The following MAP7D2 variants were observed in gnomAD, a reference collection of about 807,000 sequenced individuals.
MAP7D2 encodes MAP7 domain containing 2, also known as MAP7 domain-containing protein 2.
A neutral mutation model predicts 63.5 loss-of-function variants in MAP7D2; 33 were observed. The ratio of observed to expected loss-of-function variants is 0.52; its 90% CI spans 0.39 to 0.70. MAP7D2 has a LOEUF of 0.70. Among genes scored for constraint, MAP7D2 ranks in the 30% least tolerant of loss-of-function variants. The pLI is 0.00. For synonymous variants in MAP7D2, 224 were observed against 223.7 expected, an observed-to-expected ratio of 1.00 and a Z score of -0.01; for missense variants, 626 against 604.0, an observed-to-expected ratio of 1.04 and a Z score of -0.38.
At chrX:20,017,494 G>C (rs1240568391) in intron 10 of MAP7D2, among the ~76,000 whole-genome samples, 2 of 112,221 alleles carry the variant, frequency 1.8e-5, no homozygotes, top group Non-Finnish European at 3.8e-5. Flanking sequence ...AACTTGTGCA[G>C]GCTAACAGCC....
intron 1 of MAP7D2, among the ~76,000 whole-genome samples, chrX:20,081,800 G>T (rs977950804): frequency 1.8e-5 from 2 of 110,956 alleles, no homozygotes; most frequent in African/African-American, 6.6e-5. Flanking sequence ...TTACAGGTGT[G>T]CACCACCACG....
chrX:20,089,650 GT>G (rs1235330797), intron 1 of MAP7D2, among the ~76,000 whole-genome samples: 2 of 112,265 alleles, frequency 1.8e-5, no homozygotes, highest in East Asian at 5.6e-4. Context: ...TTCCCATCAA[GT>G]TTGCAAAGCA....
rs752001233 is a variant in MAP7D2, at chrX:20,090,679, C to T, written c.131-25874G>A. On this transcript the variant is annotated intron_variant, in intron 1 of 16. Transcript: ENST00000379643. ...AAACATACATATGACCCAGCAATCCCGCCCTGAGGGATTTACCCAAGAGAA... is the reference window on the plus strand; with the variant it reads ...AAACATACATATGACCCAGCAATCCTGCCCTGAGGGATTTACCCAAGAGAA... 6.2e-5 allele frequency among the ~76,000 whole-genome samples: 7 copies of T among 112,636 alleles called. No individual in the cohort carries two copies. The South Asian group carries it at 1.8e-3, about 29-fold the overall frequency.
chrX:20,105,319 T>C (rs1191099675), intron 1 of MAP7D2, among the ~76,000 whole-genome samples: 2 of 111,698 alleles, frequency 1.8e-5, no homozygotes, highest in Non-Finnish European at 3.8e-5. Context: ...ACCACACTGG[T>C]TGAGTTGCTA....
At chrX:20,016,463 CAT>C (rs1185274385) in intron 10 of MAP7D2, 138 bp from the exon 11 acceptor site, 8 of 562,499 alleles carry the variant, frequency 1.4e-5, no homozygotes, top group Non-Finnish European at 2.3e-5. Flanking sequence ...CATTTAATAA[CAT>C]GATTCATCCT....
At chrX:20,085,657 A>G (rs1331990521) in intron 1 of MAP7D2, among the ~76,000 whole-genome samples, 1 of 112,459 alleles carries the variant, frequency 8.9e-6, no homozygotes, top group Non-Finnish European at 1.9e-5. Flanking sequence ...TGGTCACTAA[A>G]TGTAAGAAAC....
At chrX:20,110,095 T>A (rs1196036891) in intron 1 of MAP7D2, among the ~76,000 whole-genome samples, 6 of 109,704 alleles carry the variant, frequency 5.5e-5, no homozygotes, top group Non-Finnish European at 1.1e-4. Context: ...GCACAGACTT[T>A]TTTTTTTTTT....
chrX:20,057,883 C>T (rs1308951795), intron 3 of MAP7D2, among the ~76,000 whole-genome samples: 1 of 112,517 alleles, frequency 8.9e-6, no homozygotes, highest in African/African-American at 3.2e-5. Flanking sequence ...GTCACACTTA[C>T]TAGAAACATA....
intron 10 of MAP7D2, 92 bp downstream of exon 10, chrX:20,024,859 A>G: frequency 9.8e-7 from 1 of 1,025,638 alleles, no homozygotes; most frequent in East Asian, 3.1e-5. Flanking sequence ...TTCAAGTTTT[A>G]TCAATACCAA....
chrX:20,084,739 T>C (rs1569129137), intron 1 of MAP7D2, among the ~76,000 whole-genome samples: 1 of 109,921 alleles, frequency 9.1e-6, no homozygotes, highest in East Asian at 2.9e-4. Flanking sequence ...CAGCTAATTT[T>C]TGAATTTTTA....
intron 1 of MAP7D2, among the ~76,000 whole-genome samples, chrX:20,115,410 T>C (rs893051248): frequency 9.0e-6 from 1 of 110,910 alleles, no homozygotes; most frequent in Non-Finnish European, 1.9e-5. Flanking sequence ...AACCTCTCCT[T>C]TTCAGTGTTT....
chrX:20,107,880 A>T (rs1215378871), intron 1 of MAP7D2, among the ~76,000 whole-genome samples: 2 of 111,882 alleles, frequency 1.8e-5, no homozygotes, highest in Non-Finnish European at 3.8e-5. Flanking sequence ...TTCTGAAAAT[A>T]TTCAGAAACT....
rs970252877 is a variant in MAP7D2 at position 20,051,007 on chromosome X, C to T, written c.596-61G>A. 12 of 990,450 alleles carry T rather than the reference C, an allele frequency of 1.2e-5. No homozygotes were observed. The East Asian group carries it at 3.9e-4, about 32-fold the overall frequency. 81.6% of individuals were successfully genotyped at this position (990,450 alleles called of 1,213,427 possible). On this transcript the variant is annotated intron_variant, in intron 5 of 16. Coordinates refer to ENST00000379643, the MANE Select transcript of MAP7D2 (RefSeq NM_001168465.2). The stretch of plus-strand genomic sequence containing the variant: ...AAAATTAAAACAAAACAAAATAAAA[C>T]ATTTAAACAACACAATGCATGGTGC...
chrX:20,012,878 T>C (rs769130406), intron 14 of MAP7D2, among the ~76,000 whole-genome samples, 176 bp downstream of exon 14: 1 of 112,290 alleles, frequency 8.9e-6, no homozygotes, highest in Non-Finnish European at 1.9e-5. Context: ...ACCCAGTGGG[T>C]TCCCAAGTGG....
In MAP7D2 at chrX:20,010,885, A is replaced by G; in HGVS notation, c.2240T>C (p.Leu747Pro). 4 of 1,211,374 alleles carry G rather than the reference A, an allele frequency of 3.3e-6. No individual in the cohort carries two copies. Among genetic ancestry groups the G allele is most frequent in the Non-Finnish European group, 4.5e-6 (4 of 895,367 alleles). ...GTTTTTGTTACAGTCGTCCAGGCTG[A>G]GATTTTCACTGGATCTCTTGGGGAA... Reference protein sequence around the residue: ...PTFPKRSSENLSLDDCNKNLI... With the variant: ...PTFPKRSSENPSLDDCNKNLI... The change falls in exon 16 of 17, where the codon CTC (leucine) becomes CCC (proline). Residue 747 changes from leucine (L) to proline (P), a missense_variant. Coordinates refer to ENST00000379643, the MANE Select transcript of MAP7D2 (RefSeq NM_001168465.2).
chrX:20,090,866 G>A (rs2148487456), intron 1 of MAP7D2, among the ~76,000 whole-genome samples: 1 of 110,936 alleles, frequency 9.0e-6, no homozygotes, highest in African/African-American at 3.3e-5. Context: ...CAGCTACTCA[G>A]AAGGCTGAGG....
At chrX:20,019,759 T>A (rs1429525421) in intron 10 of MAP7D2, among the ~76,000 whole-genome samples, 1 of 112,141 alleles carries the variant, frequency 8.9e-6, no homozygotes, top group Non-Finnish European at 1.9e-5. Context: ...CTGCCCTGGT[T>A]AGCGCTGTGC....
chrX:20,088,468 GTTTTTTTTTTTTTTTT>G lies in MAP7D2; in HGVS notation c.131-23679_131-23664del, dbSNP rs779366726. On this transcript the variant is annotated intron_variant, in intron 1 of 16. Coordinates refer to ENST00000379643, the MANE Select transcript of MAP7D2 (RefSeq NM_001168465.2). ...CCCCACCACACCCAGCTAATTTTCA[GTTTTTTTTTTTTTTTT>G]TTTTTTTTTTTTTTTTTTTTTGCAG... Among the ~76,000 whole-genome samples the G allele has an allele frequency of 1.5e-3, 61 of 41,068 alleles. 1 individual carries two copies. Among genetic ancestry groups the G allele is most frequent in the African/African-American group, 2.6e-3 (44 of 16,658 alleles). The allele number at this position is 41,068 out of a possible 115,157, so 35.7% of individuals were successfully genotyped here.
chrX:20,081,337 G>A (rs1380934099), intron 1 of MAP7D2, among the ~76,000 whole-genome samples: 2 of 111,334 alleles, frequency 1.8e-5, no homozygotes, highest in East Asian at 5.6e-4. Flanking sequence ...GATCCCAAAG[G>A]CTCACCAGAG....
Sources: gnomAD v4.1 joint callset for allele counts (sites outside exome capture counted in the v4.1 genomes callset) on GRCh38, gnomAD v4.1.1 for gene constraint, MANE v1.5 for transcripts, NCBI Gene and HGNC (gene_info 2026-07-23, HGNC 2026-07-21) for gene names.